Variants in HDAC8 observed in about 807,000 individuals in gnomAD.
HDAC8 encodes the protein histone deacetylase 8.
A neutral mutation model predicts 32.2 loss-of-function variants in HDAC8; 1 was observed. The ratio of observed to expected loss-of-function variants is 0.03; its 90% CI spans 0.01 to 0.15. HDAC8 has a LOEUF of 0.15. Ranked by LOEUF, HDAC8 falls within the 10% of genes least tolerant of loss-of-function variation. The pLI is 1.00. For missense variants in HDAC8, 117 were observed against 300.0 expected (o/e 0.39, Z 4.51); for synonymous variants, 108 against 113.9 (o/e 0.95, Z 0.33).
At chrX:72,497,122 CTTTTCT>C (rs1556013669) in intron 4 of HDAC8, among the ~76,000 whole-genome samples, 2 of 111,500 alleles carry the variant, frequency 1.8e-5, no homozygotes, top group Non-Finnish European at 3.8e-5. Flanking sequence ...GGCCCCCTTC[CTTTTCT>C]TTAAGATGTT....
chrX:72,362,615 G>A (rs1387341827), intron 9 of HDAC8, among the ~76,000 whole-genome samples: 2 of 112,394 alleles, frequency 1.8e-5, no homozygotes, highest in Non-Finnish European at 3.8e-5. Context: ...GTGAATTCAT[G>A]TAAAGAACTT....
intron 9 of HDAC8, among the ~76,000 whole-genome samples, chrX:72,361,217 A>G (rs2044539471): frequency 8.9e-6 from 1 of 112,100 alleles, no homozygotes. Flanking sequence ...GGTGAGGCTT[A>G]TACACCAGTG....
chrX:72,344,520 T>C (rs1474110243), intron 10 of HDAC8, among the ~76,000 whole-genome samples: 1 of 112,455 alleles, frequency 8.9e-6, no homozygotes, highest in Non-Finnish European at 1.9e-5. Flanking sequence ...TGTCATCAAA[T>C]TATCTTTTAA....
At chrX:72,555,075 C>T (rs2147518417) in intron 4 of HDAC8, among the ~76,000 whole-genome samples, 1 of 112,479 alleles carries the variant, frequency 8.9e-6, no homozygotes, top group East Asian at 2.8e-4. Context: ...CATCACAGCA[C>T]TCTTTACAGA....
intron 4 of HDAC8, among the ~76,000 whole-genome samples, chrX:72,500,877 T>C (rs1365383274): frequency 2.7e-5 from 3 of 111,706 alleles, no homozygotes; most frequent in African/African-American, 6.5e-5. Context: ...AACCTCATAA[T>C]CTCAGCCCAA....
chrX:72,364,066 T>C (rs2044630815), intron 9 of HDAC8, among the ~76,000 whole-genome samples: 2 of 111,617 alleles, frequency 1.8e-5, no homozygotes, highest in African/African-American at 6.5e-5. Context: ...GGGTGGGGTC[T>C]GAGGGCACGT....
chrX:72,339,304 G>C (rs1555944195), intron 10 of HDAC8, among the ~76,000 whole-genome samples: 1 of 112,412 alleles, frequency 8.9e-6, no homozygotes, highest in African/African-American at 3.2e-5. Flanking sequence ...CCCTGTGCTG[G>C]GTGCTGGGGT....
intron 10 of HDAC8, among the ~76,000 whole-genome samples, chrX:72,333,127 T>A (rs2043577179): frequency 1.7e-5 from 1 of 57,543 alleles, no homozygotes; most frequent in African/African-American, 4.4e-5. Flanking sequence ...ATGCTTTTGG[T>A]ATTTCAACCC....
intron 9 of HDAC8, among the ~76,000 whole-genome samples, chrX:72,386,427 A>T (rs1312794185): frequency 9.0e-6 from 1 of 111,433 alleles, no homozygotes; most frequent in Non-Finnish European, 1.9e-5. Context: ...AGGACACAGG[A>T]TATTCAACTT....
chrX:72,533,859 C>T (rs1309178053), intron 4 of HDAC8, among the ~76,000 whole-genome samples: 1 of 111,259 alleles, frequency 9.0e-6, no homozygotes, highest in Non-Finnish European at 1.9e-5. Flanking sequence ...ACTTCCTCAT[C>T]CAGATAAAGG....
At chrX:72,393,765 T>C (rs1454083284) in intron 9 of HDAC8, among the ~76,000 whole-genome samples, 1 of 112,341 alleles carries the variant, frequency 8.9e-6, no homozygotes, top group Non-Finnish European at 1.9e-5. Flanking sequence ...TAGGGATTAC[T>C]TTGTTCTGGA....
intron 9 of HDAC8, 138 bp downstream of exon 9, chrX:72,461,866 C>T (rs976766458): frequency 1.6e-4 from 69 of 426,316 alleles, no homozygotes; most frequent in Non-Finnish European, 2.4e-4. Flanking sequence ...GTCCACTATT[C>T]TGCCAAGACA....
Position 72,477,937 on chromosome X carries a change from C to G in HDAC8, c.737+10996G>C, listed in dbSNP as rs782788978. Among the ~76,000 whole-genome samples, 10 of 112,130 alleles carry G rather than the reference C, an allele frequency of 8.9e-5. No individual in the cohort carries two copies. In the South Asian group the frequency reaches 3.8e-3, roughly 43 times the overall value. On this transcript the variant is annotated intron_variant, in intron 7 of 10. Coordinates refer to ENST00000373573, the MANE Select transcript of HDAC8 (RefSeq NM_018486.3). The stretch of plus-strand genomic sequence containing the variant: ...CTGCCAGATCTTCTCCATATGAAAT[C>G]TCTCTAGTCTGTATGCAAATTCAAA...
At chrX:72,410,429 A>G (rs895649566) in intron 9 of HDAC8, among the ~76,000 whole-genome samples, 2 of 111,319 alleles carry the variant, frequency 1.8e-5, no homozygotes, top group Admixed American at 9.5e-5. Context: ...ATGATCCCAT[A>G]TGGGAGAAGA....
At chrX:72,355,734 G>C (rs1952975537) in intron 9 of HDAC8, among the ~76,000 whole-genome samples, 2 of 111,958 alleles carry the variant, frequency 1.8e-5, no homozygotes, top group South Asian at 7.5e-4. Flanking sequence ...CATACAATTA[G>C]ATAGTTGGTC....
intron 9 of HDAC8, among the ~76,000 whole-genome samples, chrX:72,387,176 G>A (rs549638110): frequency 2.7e-5 from 3 of 112,572 alleles, no homozygotes; most frequent in African/African-American, 9.7e-5. Context: ...GAGTTCCCAT[G>A]GGTTAGCTAA....
intron 9 of HDAC8, among the ~76,000 whole-genome samples, chrX:72,388,063 A>G (rs1257430666): frequency 9.1e-6 from 1 of 110,153 alleles, no homozygotes; most frequent in Non-Finnish European, 1.9e-5. Flanking sequence ...CTAGTAGAAG[A>G]AGTACCTTGG....
chrX:72,461,374 G>A (rs1555991640), intron 9 of HDAC8, among the ~76,000 whole-genome samples: 1 of 111,900 alleles, frequency 8.9e-6, no homozygotes, highest in Admixed American at 9.5e-5. Context: ...CTTGTTTTGG[G>A]AAAACTAGAA....
Position 72,442,697 on chromosome X carries a change from A to C in HDAC8, c.1005+19307T>G, listed in dbSNP as rs1968797983. Among the ~76,000 whole-genome samples, 3 of 111,858 alleles carry C rather than the reference A, an allele frequency of 2.7e-5. No individual in the cohort carries two copies. In the South Asian group the frequency reaches 1.1e-3, roughly 42 times the overall value. On this transcript the variant is annotated intron_variant, in intron 9 of 10. Coordinates refer to ENST00000373573, the MANE Select transcript of HDAC8 (RefSeq NM_018486.3). Reference sequence around the variant, plus strand: ...TTCACACATAACAATATTAACTTTAAATGTAAATGGACTCAATGCTCCAAT... The same window carrying C: ...TTCACACATAACAATATTAACTTTACATGTAAATGGACTCAATGCTCCAAT...
Sources: gnomAD v4.1 joint callset for allele counts (sites outside exome capture counted in the v4.1 genomes callset) on GRCh38, gnomAD v4.1.1 for gene constraint, MANE v1.5 for transcripts, NCBI Gene and HGNC (gene_info 2026-07-23, HGNC 2026-07-21) for gene names.